Variants in TSHZ1 observed in about 807,000 individuals in gnomAD.
TSHZ1 encodes the protein teashirt zinc finger homeobox 1, also known as teashirt homolog 1.
TSHZ1 carries 12 observed loss-of-function variants against 67.1 expected under a neutral mutation model. The observed-to-expected ratio is 0.18, with a 90% CI of 0.11 to 0.29. The LOEUF is 0.29. Ranked by LOEUF, TSHZ1 falls within the 10% of genes least tolerant of loss-of-function variation. The pLI, the probability that TSHZ1 is intolerant of heterozygous loss-of-function variation, is 1.00. For synonymous variants in TSHZ1, 632 were observed against 622.4 expected (o/e 1.02, Z -0.23); for missense variants, 1,305 against 1,413.9 (o/e 0.92, Z 1.23).
intron 1 of TSHZ1, among the ~76,000 whole-genome samples, chr18:75,260,945 T>C (rs2122581079): frequency 6.6e-6 from 1 of 152,176 alleles, no homozygotes; most frequent in Middle Eastern, 3.4e-3. Flanking sequence ...TGGATGGACA[T>C]TTCTCAATCC....
At chr18:75,239,461 AC>A (rs2023125658) in intron 1 of TSHZ1, among the ~76,000 whole-genome samples, 1 of 140,660 alleles carries the variant, frequency 7.1e-6, no homozygotes, top group South Asian at 2.2e-4. Flanking sequence ...GAAAACATCC[AC>A]CCTCTTGAAC....
At chr18:75,283,787 T>C (rs1304784554) in intron 1 of TSHZ1, 4 of 152,320 alleles carry the variant, frequency 2.6e-5, no homozygotes, top group Non-Finnish European at 5.9e-5. Flanking sequence ...GCTGCTAGAA[T>C]CTGAAGCCCT....
chr18:75,244,170 A>C (rs1453340035), intron 1 of TSHZ1, among the ~76,000 whole-genome samples: 2 of 152,040 alleles, frequency 1.3e-5, no homozygotes, highest in African/African-American at 2.4e-5. Context: ...TCGTGCTCGG[A>C]GTTCCGGGTT....
At position 75,211,741 on chromosome 18, in the gene TSHZ1, C is replaced by A; in HGVS notation, c.-136C>A. ...GCGGCTCCCCGCGGTCCGCGGCGCG[C>A]CCGGAGCCCGGAGCCCGCGGGGACG... On this transcript the variant is annotated 5_prime_UTR_variant, in exon 1 of 2. Transcript: ENST00000580243. 5.0e-6 allele frequency: 2 copies of A among 397,750 alleles called. No individual in the cohort carries two copies. The highest frequency in any genetic ancestry group is 6.8e-6 in the Non-Finnish European group (2 of 295,706). The allele number at this position is 397,750 out of a possible 1,614,324, so 24.6% of individuals were successfully genotyped here. A position where few individuals can be genotyped will look rare whatever the true frequency, so the allele number is the denominator to read the frequency against.
intron 1 of TSHZ1, among the ~76,000 whole-genome samples, chr18:75,249,352 G>A (rs1423749403): frequency 1.3e-5 from 2 of 152,018 alleles, no homozygotes; most frequent in African/African-American, 4.8e-5. Flanking sequence ...CCCCTGTGGC[G>A]GGTGGGGGCA....
intron 1 of TSHZ1, among the ~76,000 whole-genome samples, chr18:75,219,612 T>G (rs1000518534): frequency 6.6e-6 from 1 of 152,208 alleles, no homozygotes; most frequent in Admixed American, 6.5e-5. Context: ...TGCTACAGAC[T>G]TAGATTAAAG....
In TSHZ1 at chr18:75,287,931, G is replaced by A. The variant is rs1225312620; in HGVS notation, c.2524G>A (p.Asp842Asn). 2 of 1,614,064 alleles carry A rather than the reference G, an allele frequency of 1.2e-6. No homozygotes were observed. Among genetic ancestry groups the A allele is most frequent in the Non-Finnish European group, 1.7e-6 (2 of 1,180,044 alleles). The change falls in exon 2 of 2, where the codon GAC (aspartate) becomes AAC (asparagine). Residue 842 changes from aspartate (D) to asparagine (N), a missense_variant. Transcript: ENST00000580243. The surrounding 1 kb of genome is among the most constrained non-coding windows in gnomAD (Gnocchi z 5.0). ...LRESALMDIS[D>N]MVKNLTGRLT... ...GGAGAGCGCACTCATGGACATCTCC[G>A]ACATGGTGAAAAACCTCACAGGCCG...
At chr18:75,243,447 G>A (rs1265509345) in intron 1 of TSHZ1, among the ~76,000 whole-genome samples, 5 of 152,022 alleles carry the variant, frequency 3.3e-5, no homozygotes, top group African/African-American at 1.2e-4. Context: ...AGTGATAGAT[G>A]TTACGGGGGC....
chr18:75,285,855 CAGA>C lies in TSHZ1; in HGVS notation c.451_453del (p.Lys151del). On this transcript the variant is annotated inframe_deletion, in exon 2 of 2. Transcript: ENST00000580243. Reference sequence around the variant, plus strand: ...CACCACCAGCACCAACGATGCCAGCCAGAAGGAGAGCTCCGCCCCCACCCCCAC... The same window carrying C: ...CACCACCAGCACCAACGATGCCAGCCAGGAGAGCTCCGCCCCCACCCCCAC... 1.2e-6 allele frequency: 2 copies of C among 1,612,132 alleles called. No individual in the cohort carries two copies. The highest frequency in any genetic ancestry group is 3.4e-4 in the Middle Eastern group (2 of 5,910).
chr18:75,235,469 C>A (rs1347823164), intron 1 of TSHZ1, among the ~76,000 whole-genome samples: 1 of 152,142 alleles, frequency 6.6e-6, no homozygotes, highest in African/African-American at 2.4e-5. Flanking sequence ...GGGACCGATT[C>A]CTACCTTGTG....
In TSHZ1 at chr18:75,235,322, G is replaced by T. The variant is rs569361586; in HGVS notation, c.40+23406G>T. Among the ~76,000 whole-genome samples, 128 of 152,222 alleles carry T rather than the reference G, an allele frequency of 8.4e-4. 1 individual carries two copies. Among genetic ancestry groups the T allele is most frequent in the African/African-American group, 2.9e-3 (121 of 41,516 alleles). ...CTTCCAGGGGGACTGCCGGTCGTAC[G>T]TTGATGCCATTGGGTAAAGAACCCC... On this transcript the variant is annotated intron_variant, in intron 1 of 1. Coordinates refer to ENST00000580243, the MANE Select transcript of TSHZ1 (RefSeq NM_001308210.2).
intron 1 of TSHZ1, among the ~76,000 whole-genome samples, chr18:75,238,214 C>T (rs1306730562): frequency 3.9e-5 from 6 of 152,146 alleles, no homozygotes; most frequent in African/African-American, 7.2e-5. Context: ...GAAGTTTCCC[C>T]GTGGGCACTC....
At chr18:75,261,481 C>T (rs1386047001) in intron 1 of TSHZ1, among the ~76,000 whole-genome samples, 2 of 152,186 alleles carry the variant, frequency 1.3e-5, no homozygotes, top group Non-Finnish European at 2.9e-5. Flanking sequence ...TTGGATGAGA[C>T]GACCAGAGGT....
rs752870368 is a variant in TSHZ1 at position 75,288,266 on chromosome 18, G to C, written c.2859G>C (p.Arg953Ser). The C allele has an allele frequency of 6.2e-7, 1 of 1,614,214 alleles. No individual in the cohort carries two copies. The highest frequency in any genetic ancestry group is 8.5e-7 in the Non-Finnish European group (1 of 1,180,036). Reference sequence around the variant, plus strand: ...CCAATGTGAAGTACCAGTTGAGGAGGACAGGGGGAACGAAATTCCTAAAGA... The same window carrying C: ...CCAATGTGAAGTACCAGTTGAGGAGCACAGGGGGAACGAAATTCCTAAAGA... ...WLANVKYQLRRTGGTKFLKNL... is the reference protein window; with the variant it reads ...WLANVKYQLRSTGGTKFLKNL... The change falls in exon 2 of 2, where the codon AGG becomes AGC. Residue 953 changes from arginine (R) to serine (S), a missense_variant. Around this residue, in one of 3 missense-constraint regions of TSHZ1, gnomAD observed 909 missense variants for 961.8 expected, o/e 0.95. Coordinates refer to ENST00000580243, the MANE Select transcript of TSHZ1 (RefSeq NM_001308210.2). The surrounding 1 kb of genome is among the most constrained non-coding windows in gnomAD (Gnocchi z 4.9).
chr18:75,260,756 A>T (rs1185677702), intron 1 of TSHZ1, among the ~76,000 whole-genome samples: 2 of 152,136 alleles, frequency 1.3e-5, no homozygotes, highest in African/African-American at 2.4e-5. Flanking sequence ...GTCAACATTG[A>T]TGTGAAACAC....
intron 1 of TSHZ1, among the ~76,000 whole-genome samples, chr18:75,228,157 T>G: frequency 6.6e-6 from 1 of 152,238 alleles, no homozygotes; most frequent in East Asian, 1.9e-4. Context: ...CTCAACTCAC[T>G]ATAGCGTGAT....
intron 1 of TSHZ1, among the ~76,000 whole-genome samples, chr18:75,276,466 A>T (rs951061765): frequency 2.0e-5 from 3 of 152,084 alleles, no homozygotes; most frequent in Non-Finnish European, 4.4e-5. Context: ...CTCTCTGTGC[A>T]TTTTTTTGTT....
intron 1 of TSHZ1, among the ~76,000 whole-genome samples, chr18:75,275,234 G>C (rs992498610): frequency 1.3e-5 from 2 of 152,148 alleles, no homozygotes; most frequent in African/African-American, 4.8e-5. Context: ...GCCCTTTGTG[G>C]GTTTTGGAGA....
chr18:75,235,724 A>T (rs1411897963), intron 1 of TSHZ1, among the ~76,000 whole-genome samples: 1 of 152,200 alleles, frequency 6.6e-6, no homozygotes, highest in Non-Finnish European at 1.5e-5. Flanking sequence ...AATTTCATTG[A>T]GCAATGAAAT....
Sources: gnomAD v4.1 joint callset for allele counts (sites outside exome capture counted in the v4.1 genomes callset) on GRCh38, gnomAD v4.1.1 for gene constraint, gnomAD v4.1.1 regional missense constraint, Gnocchi (gnomAD v3.1) non-coding constraint, MANE v1.5 for transcripts, NCBI Gene and HGNC (gene_info 2026-07-23, HGNC 2026-07-21) for gene names.